Variants in DAAM2 observed in about 807,000 individuals in gnomAD.
The protein encoded by DAAM2 is disheveled-associated activator of morphogenesis 2.
In DAAM2, 39 loss-of-function variants were observed where a neutral mutation model predicts 120.7. The observed-to-expected ratio is 0.32, with a 90% CI of 0.25 to 0.42. DAAM2 has a LOEUF of 0.42. Among genes scored for constraint, DAAM2 ranks in the 10% least tolerant of loss-of-function variants. The pLI is 1.00. For missense variants in DAAM2, 1,283 were observed against 1,401.7 expected, an observed-to-expected ratio of 0.92 and a Z score of 1.35; for synonymous variants, 488 against 524.9, an observed-to-expected ratio of 0.93 and a Z score of 0.96.
intron 10 of DAAM2, 101 bp downstream of exon 10, chr6:39,873,456 C>T (rs1007758731): frequency 2.5e-6 from 2 of 788,092 alleles, no homozygotes; most frequent in Non-Finnish European, 4.4e-6. Flanking sequence ...GGGAGTCTGA[C>T]CATGTCTCCC....
chr6:39,897,190 C>G lies in DAAM2; in HGVS notation c.2526C>G (p.Leu842=), dbSNP rs770438389. The change falls in exon 21 of 25, where the codon CTC becomes CTG. Residue 842 remains leucine (L), a synonymous_variant. Transcript: ENST00000274867. Reference sequence around the variant, plus strand: ...TCATCCACAGAAACATCTCTCTGCTCCATTACCTGATCATGATCCTGGAGA... The same window carrying G: ...TCATCCACAGAAACATCTCTCTGCTGCATTACCTGATCATGATCCTGGAGA... ...KSSIDRNISL[L]HYLIMILEKH... 6.8e-6 allele frequency: 11 copies of G among 1,613,120 alleles called. No homozygotes were observed. The South Asian group carries it at 1.2e-4, about 18-fold the overall frequency.
chr6:39,876,670 C>A (rs527440770), intron 11 of DAAM2, among the ~76,000 whole-genome samples: 2 of 152,074 alleles, frequency 1.3e-5, no homozygotes, highest in African/African-American at 4.8e-5. Flanking sequence ...AATCTTTCTC[C>A]TCCACCAGCT....
chr6:39,792,849 T>A (rs2113967789), intron 1 of DAAM2: 1 of 152,356 alleles, frequency 6.6e-6, no homozygotes, highest in African/African-American at 2.4e-5. Flanking sequence ...TGACAACTTT[T>A]TGGTGGTGGC....
At chr6:39,873,413 GT>G in intron 10 of DAAM2, 58 bp downstream of exon 10, 1 of 1,236,800 alleles carries the variant, frequency 8.1e-7, no homozygotes, top group Non-Finnish European at 1.2e-6. Context: ...CTTGGGGCAG[GT>G]TTAGACAAGA....
At chr6:39,855,189 C>A (rs1247686598) in intron 1 of DAAM2, among the ~76,000 whole-genome samples, 1 of 152,164 alleles carries the variant, frequency 6.6e-6, no homozygotes, top group Admixed American at 6.5e-5. Flanking sequence ...CTCTACTGAA[C>A]CCCCCTAGGT....
At chr6:39,833,885 C>G (rs912850533) in intron 1 of DAAM2, among the ~76,000 whole-genome samples, 3 of 152,178 alleles carry the variant, frequency 2.0e-5, no homozygotes, top group African/African-American at 7.2e-5. Context: ...AGGGCTATGC[C>G]TGAATTCTCA....
intron 1 of DAAM2, among the ~76,000 whole-genome samples, chr6:39,814,909 T>A (rs1336214990): frequency 2.6e-5 from 4 of 152,228 alleles, no homozygotes; most frequent in African/African-American, 9.6e-5. Flanking sequence ...TTAGCCTGAT[T>A]CAATTCAGAG....
intron 1 of DAAM2, among the ~76,000 whole-genome samples, chr6:39,793,767 C>T (rs1389580042): frequency 6.6e-6 from 1 of 152,186 alleles, no homozygotes; most frequent in Non-Finnish European, 1.5e-5. Context: ...GATCCATCAT[C>T]CCTGAGTAGC....
chr6:39,843,863 A>T (rs1763458320), intron 1 of DAAM2, among the ~76,000 whole-genome samples: 1 of 152,074 alleles, frequency 6.6e-6, no homozygotes, highest in African/African-American at 2.4e-5. Flanking sequence ...AGTGCACCAT[A>T]GGAGGTGCTG....
chr6:39,833,450 G>A (rs1762990981), intron 1 of DAAM2, among the ~76,000 whole-genome samples: 1 of 151,930 alleles, frequency 6.6e-6, no homozygotes. Context: ...GATTATGAGT[G>A]TGCACCACCA....
At chr6:39,828,644 C>T (rs1582632481) in intron 1 of DAAM2, among the ~76,000 whole-genome samples, 1 of 150,428 alleles carries the variant, frequency 6.6e-6, no homozygotes, top group African/African-American at 2.5e-5. Context: ...CTCACTGCAG[C>T]CTCTGCCTCC....
chr6:39,901,234 T>A lies in DAAM2; in HGVS notation c.2812-68T>A. Reference sequence around the variant, plus strand: ...GGCTCTGCTCTGGCTAGAACCCAGCTAACCTCAGGGGCTGAGCCCAGCATG... The same window carrying A: ...GGCTCTGCTCTGGCTAGAACCCAGCAAACCTCAGGGGCTGAGCCCAGCATG... On this transcript the variant is annotated intron_variant, in intron 23 of 24. Coordinates refer to ENST00000274867, the MANE Select transcript of DAAM2 (RefSeq NM_001201427.2). The surrounding 1 kb of genome is among the most constrained non-coding windows in gnomAD (Gnocchi z 4.5). The A allele has an allele frequency of 6.7e-7, 1 of 1,482,570 alleles. No individual in the cohort carries two copies. The highest frequency in any genetic ancestry group is 9.3e-7 in the Non-Finnish European group (1 of 1,078,798). The allele number at this position is 1,482,570 out of a possible 1,614,324, so 91.8% of individuals were successfully genotyped here.
intron 1 of DAAM2, among the ~76,000 whole-genome samples, chr6:39,818,035 C>T (rs904769666): frequency 3.3e-5 from 5 of 151,760 alleles, no homozygotes; most frequent in South Asian, 2.1e-4. Flanking sequence ...AAAAATTAGT[C>T]GGGCATGGTA....
At chr6:39,866,943 C>T (rs1383354049) in intron 5 of DAAM2, among the ~76,000 whole-genome samples, 1 of 152,148 alleles carries the variant, frequency 6.6e-6, no homozygotes, top group Admixed American at 6.5e-5. Flanking sequence ...CTTTTCCCAC[C>T]CAAGTCCTTG....
chr6:39,795,292 G>A (rs72855618), intron 1 of DAAM2, among the ~76,000 whole-genome samples: 16,708 of 152,212 alleles, frequency 0.11, 1,164 homozygotes, highest in Non-Finnish European at 0.15. Context: ...CTTTGATAGC[G>A]GATGACCCTC....
chr6:39,867,604 A>T lies in DAAM2; in HGVS notation c.523A>T (p.Thr175Ser). 6.2e-7 allele frequency: 1 copy of T among 1,613,974 alleles called. No homozygotes were observed. The highest frequency in any genetic ancestry group is 8.5e-7 in the Non-Finnish European group (1 of 1,179,890). ...DHATCESRIH[T>S]SLIGCIKALM... ...CGCCACCTGTGAGAGCCGCATCCAC[A>T]CCTCACTCATTGGCTGCATCAAAGC... Residue 175 changes from threonine (T) to serine (S), a missense_variant, in exon 6 of 25, where the codon ACC becomes TCC. Transcript: ENST00000274867.
intron 1 of DAAM2, among the ~76,000 whole-genome samples, chr6:39,835,867 G>A (rs745430164): frequency 2.0e-5 from 3 of 152,148 alleles, no homozygotes; most frequent in Non-Finnish European, 4.4e-5. Context: ...ACTGAGGGAA[G>A]TCATACAAAG....
At chr6:39,800,974 C>T (rs975206090) in intron 1 of DAAM2, among the ~76,000 whole-genome samples, 3 of 152,124 alleles carry the variant, frequency 2.0e-5, no homozygotes, top group Non-Finnish European at 4.4e-5. Context: ...CCTACTTTGC[C>T]ATTTAATAAC....
rs747447552 is a variant in DAAM2 at position 39,902,011 on chromosome 6, C to T, written c.3181C>T (p.Arg1061Trp). The change falls in exon 25 of 25, where the codon CGG becomes TGG. Residue 1061 changes from arginine to tryptophan, a missense_variant. Coordinates refer to ENST00000274867, the MANE Select transcript of DAAM2 (RefSeq NM_001201427.2). Reference sequence around the variant, plus strand: ...CCAGGCCCTGGAAGTTACCCGGGAGCGGGCAATAAACCGGCTAAATTATTG... The same window carrying T: ...CCAGGCCCTGGAAGTTACCCGGGAGTGGGCAATAAACCGGCTAAATTATTG... ...GSQALEVTRE[R>W]AINRLNY is the part of the protein sequence containing the mutation. The T allele has an allele frequency of 3.3e-5, 53 of 1,609,030 alleles. No homozygotes were observed. Among genetic ancestry groups the T allele is most frequent in the Middle Eastern group, 1.6e-4 (1 of 6,070 alleles).
Sources: allele counts gnomAD v4.1 joint callset (sites outside exome capture counted in the v4.1 genomes callset), GRCh38; gene constraint gnomAD v4.1.1; non-coding constraint Gnocchi (gnomAD v3.1); transcripts MANE v1.5; gene names NCBI Gene and HGNC (gene_info 2026-07-23, HGNC 2026-07-21).